ABHD3: variants seen among roughly 807,000 people sequenced by gnomAD.
ABHD3 encodes the protein abhydrolase domain containing 3, phospholipase.
In ABHD3, 46 loss-of-function variants were observed where a neutral mutation model predicts 48.8. The observed-to-expected ratio is 0.94, with a 90% CI of 0.74 to 1.20. The LOEUF (loss-of-function observed/expected upper bound fraction) is 1.20, where lower values mean the gene tolerates loss of function less well. Ranked by LOEUF, ABHD3 falls within the 50% of genes most tolerant of loss-of-function variation. ABHD3 has a pLI of 0.00. For synonymous variants in ABHD3, 192 were observed against 183.7 expected (o/e 1.04, Z -0.36); for missense variants, 490 against 497.8 (o/e 0.98, Z 0.15).
intron 4 of ABHD3, among the ~76,000 whole-genome samples, chr18:21,665,781 C>T (rs2039610206): frequency 1.3e-5 from 2 of 149,488 alleles, no homozygotes; most frequent in African/African-American, 4.9e-5. Flanking sequence ...CACTGCACTC[C>T]AGTCTGGGTG....
rs563268520 is a variant in ABHD3, at chr18:21,680,937, A to T, written c.555+2983T>A. ...GAGACAGGGTTTCCATATGTTGCCC[A>T]GGCTGGTCTTCAACTTCTGGGCTCA... On this transcript the variant is annotated intron_variant, in intron 4 of 8. Coordinates refer to ENST00000289119, the MANE Select transcript of ABHD3 (RefSeq NM_138340.5). Among the ~76,000 whole-genome samples, 18 of 151,372 alleles carry T rather than the reference A, an allele frequency of 1.2e-4. No individual in the cohort carries two copies. In the South Asian group the frequency reaches 2.1e-3, roughly 18 times the overall value.
At position 21,704,735 on chromosome 18, in the gene ABHD3, G is replaced by T. The variant is rs1017796041; in HGVS notation, c.-70C>A. 6.9e-6 allele frequency: 9 copies of T among 1,302,300 alleles called. No individual in the cohort carries two copies. The African/African-American group carries it at 1.4e-4, about 21-fold the overall frequency. The allele number at this position is 1,302,300 out of a possible 1,614,324, so 80.7% of individuals were successfully genotyped here. A position where few individuals can be genotyped will look rare whatever the true frequency, so the allele number is the denominator to read the frequency against. On this transcript the variant is annotated 5_prime_UTR_variant, in exon 1 of 9. Transcript: ENST00000289119. Reference sequence around the variant, plus strand: ...GGCTGGCGAGCGGGCGAGAGCGGGCGAGAGCGGACGCGGCGCCGCTGCCTA... The same window carrying T: ...GGCTGGCGAGCGGGCGAGAGCGGGCTAGAGCGGACGCGGCGCCGCTGCCTA...
chr18:21,667,234 C>CTTTT (rs745430805), intron 4 of ABHD3, among the ~76,000 whole-genome samples: 1 of 81,438 alleles, frequency 1.2e-5, no homozygotes, highest in Admixed American at 1.5e-4. Context: ...CCACCACACC[C>CTTTT]TTTTTTTTTT....
intron 2 of ABHD3, 45 bp from the exon 3 acceptor site, chr18:21,702,543 G>T: frequency 1.4e-6 from 2 of 1,391,160 alleles, no homozygotes; most frequent in South Asian, 1.4e-5. Context: ...CATGTTTTAA[G>T]TCATGTCTTA....
intron 3 of ABHD3, among the ~76,000 whole-genome samples, chr18:21,697,509 A>T (rs1308534360): frequency 6.6e-6 from 1 of 152,188 alleles, no homozygotes; most frequent in Non-Finnish European, 1.5e-5. Context: ...CCTCCCAAGT[A>T]GCTGGAATTA....
rs184964087 is a variant in ABHD3 at position 21,661,002 on chromosome 18, T to C, written c.669-1659A>G. 2.4e-4 allele frequency among the ~76,000 whole-genome samples: 36 copies of C among 148,512 alleles called. No individual in the cohort carries two copies. In the South Asian group the frequency reaches 2.5e-3, roughly 10 times the overall value. Reference sequence around the variant, plus strand: ...AGGTGGAATACGTCTTGGTTATTACTCAGCAGCAAAATGATGCTAAGATGT... The same window carrying C: ...AGGTGGAATACGTCTTGGTTATTACCCAGCAGCAAAATGATGCTAAGATGT... On this transcript the variant is annotated intron_variant, in intron 5 of 8. Coordinates refer to ENST00000289119, the MANE Select transcript of ABHD3 (RefSeq NM_138340.5).
intron 4 of ABHD3, chr18:21,683,705 T>C (rs1029306361): frequency 1.7e-4 from 49 of 290,372 alleles, no homozygotes; most frequent in African/African-American, 1.1e-3. Flanking sequence ...TATTTATATA[T>C]GAAATCTGAA....
chr18:21,652,074 T>C (rs1258811340), intron 8 of ABHD3, among the ~76,000 whole-genome samples: 1 of 152,154 alleles, frequency 6.6e-6, no homozygotes, highest in East Asian at 1.9e-4. Context: ...AGTAAGACAA[T>C]TCAAGGAATG....
At chr18:21,670,189 A>G (rs1314412503) in intron 4 of ABHD3, among the ~76,000 whole-genome samples, 4 of 152,150 alleles carry the variant, frequency 2.6e-5, no homozygotes, top group African/African-American at 9.7e-5. Context: ...CCCTAAGTGC[A>G]GTTCCAGCAG....
intron 4 of ABHD3, among the ~76,000 whole-genome samples, chr18:21,677,503 G>A (rs185985043): frequency 6.6e-6 from 1 of 151,816 alleles, no homozygotes; most frequent in Non-Finnish European, 1.5e-5. Context: ...ACTATGCCCA[G>A]CCGACTTCAT....
At chr18:21,655,922 C>T (rs1048124093) in intron 8 of ABHD3, among the ~76,000 whole-genome samples, 1 of 151,114 alleles carries the variant, frequency 6.6e-6, no homozygotes, top group African/African-American at 2.4e-5. Context: ...TTTGGGGGAA[C>T]CAGGCAGGCG....
rs559087554 is a variant in ABHD3, at chr18:21,665,737, G to A, written c.556-1507C>T. 6.1e-4 allele frequency among the ~76,000 whole-genome samples: 93 copies of A among 151,668 alleles called. 1 individual carries two copies. The highest frequency in any genetic ancestry group is 2.2e-3 in the African/African-American group (90 of 41,392). On this transcript the variant is annotated intron_variant, in intron 4 of 8. Transcript: ENST00000289119. ...TGAGGCAGGAGAATGGCGTGAACCC[G>A]GGAGGTGGAGCTTGCAGTGAGCTGA... is the stretch of plus-strand genomic sequence containing the variant.
intron 4 of ABHD3, among the ~76,000 whole-genome samples, chr18:21,669,103 G>A (rs1267246731): frequency 1.3e-5 from 2 of 152,054 alleles, no homozygotes; most frequent in Non-Finnish European, 2.9e-5. Context: ...CCCAAAATTA[G>A]CCAGGTGTGG....
chr18:21,654,335 G>A (rs577685077), intron 8 of ABHD3, among the ~76,000 whole-genome samples: 1 of 152,218 alleles, frequency 6.6e-6, no homozygotes, highest in South Asian at 2.1e-4. Context: ...CCCCTTGTAA[G>A]AAAAAGGAAG....
intron 3 of ABHD3, among the ~76,000 whole-genome samples, chr18:21,688,897 T>C (rs2040183824): frequency 6.6e-6 from 1 of 152,180 alleles, no homozygotes; most frequent in African/African-American, 2.4e-5. Context: ...GAGAAGTGGT[T>C]ACACGGACAG....
intron 3 of ABHD3, among the ~76,000 whole-genome samples, chr18:21,688,396 C>A (rs1288135211): frequency 9.9e-5 from 15 of 151,944 alleles, no homozygotes; most frequent in Admixed American, 9.8e-4. Context: ...ATAATAATAA[C>A]AACAGATACT....
rs548006959 is a variant in ABHD3, at chr18:21,685,081, A to G, written c.510-1116T>C. Among the ~76,000 whole-genome samples, 5 of 152,356 alleles carry G rather than the reference A, an allele frequency of 3.3e-5. No homozygotes were observed. The East Asian group carries it at 9.6e-4, about 29-fold the overall frequency. On this transcript the variant is annotated intron_variant, in intron 3 of 8. Transcript: ENST00000289119. Reference sequence around the variant, plus strand: ...AACTTTCAGGCAGCCACAGGCCCAGATATGTATTTTTACCATCCTTAGACA... The same window carrying G: ...AACTTTCAGGCAGCCACAGGCCCAGGTATGTATTTTTACCATCCTTAGACA...
chr18:21,654,727 T>C (rs1029463386), intron 8 of ABHD3, among the ~76,000 whole-genome samples: 2 of 152,206 alleles, frequency 1.3e-5, no homozygotes, highest in East Asian at 1.9e-4. Flanking sequence ...TACAGTCATA[T>C]CAGAAGAACA....
intron 4 of ABHD3, among the ~76,000 whole-genome samples, chr18:21,680,687 A>G (rs982964297): frequency 2.0e-5 from 3 of 152,190 alleles, no homozygotes; most frequent in Non-Finnish European, 2.9e-5. Context: ...AGGTTTTTCA[A>G]AAATACAATT....
Sources: gnomAD v4.1 joint callset for allele counts (sites outside exome capture counted in the v4.1 genomes callset) on GRCh38, gnomAD v4.1.1 for gene constraint, MANE v1.5 for transcripts, NCBI Gene and HGNC (gene_info 2026-07-23, HGNC 2026-07-21) for gene names.